BCAR3: variants seen among roughly 807,000 people sequenced by gnomAD.
The protein encoded by BCAR3 is BCAR3 adaptor protein, NSP family member.
BCAR3 carries 37 observed loss-of-function variants against 80.1 expected under a neutral mutation model. That is an observed-to-expected ratio of 0.46 (90% CI 0.36 to 0.61). BCAR3 has a LOEUF of 0.61. Among genes scored for constraint, BCAR3 ranks in the 20% least tolerant of loss-of-function variants. The probability of loss-of-function intolerance (pLI) is 0.00; values close to 1 mark genes in which losing one functional copy is unlikely to be tolerated. For missense variants in BCAR3, 978 were observed against 1,068.2 expected (o/e 0.92, Z 1.18); for synonymous variants, 389 against 418.9 (o/e 0.93, Z 0.87).
At chr1:93,680,823 CT>C (rs958224812) in intron 1 of BCAR3, among the ~76,000 whole-genome samples, 5 of 152,174 alleles carry the variant, frequency 3.3e-5, no homozygotes, top group African/African-American at 1.2e-4. Context: ...TCCGCTCAAC[CT>C]CCTCCTCGAC....
intron 2 of BCAR3, among the ~76,000 whole-genome samples, chr1:93,779,044 G>A (rs548473463): frequency 4.9e-4 from 75 of 152,244 alleles, no homozygotes; most frequent in African/African-American, 1.6e-3. Flanking sequence ...AGGAGGATGG[G>A]AGGAGGCAAG....
chr1:93,674,974 T>C, intron 1 of BCAR3, 33 bp from the exon 2 acceptor site: 3 of 1,470,392 alleles, frequency 2.0e-6, no homozygotes, highest in Non-Finnish European at 2.7e-6. Flanking sequence ...AAGGTATAAA[T>C]CTATGAGAGT....
chr1:93,833,647 CA>C (rs968167435), intron 2 of BCAR3, among the ~76,000 whole-genome samples: 5 of 152,170 alleles, frequency 3.3e-5, no homozygotes, highest in African/African-American at 1.2e-4. Context: ...TTCACTTTTG[CA>C]AGAAGAGAAA....
chr1:93,650,213 A>G (rs1478666227), intron 2 of BCAR3, among the ~76,000 whole-genome samples: 3 of 152,030 alleles, frequency 2.0e-5, no homozygotes, highest in Non-Finnish European at 4.4e-5. Flanking sequence ...GGTGAAACCT[A>G]GTCTCTACTA....
At chr1:93,750,712 C>T (rs920097451) in intron 2 of BCAR3, among the ~76,000 whole-genome samples, 13 of 152,202 alleles carry the variant, frequency 8.5e-5, no homozygotes, top group Non-Finnish European at 1.9e-4. Flanking sequence ...GGAAGCCACA[C>T]AGGGAGGCCA....
In BCAR3 at chr1:93,739,383, T is replaced by G. The variant is rs558449017; in HGVS notation, c.-62-33241A>C. 2.5e-4 allele frequency among the ~76,000 whole-genome samples: 38 copies of G among 152,296 alleles called. 1 individual carries two copies. The highest frequency in any genetic ancestry group is 1.4e-3 in the Admixed American group (21 of 15,300). ...GCCTAGATGTTCATATCTCCCAAAT[T>G]TAAGGACCTCTATATTTAAAAAAGA... On this transcript the variant is annotated intron_variant, in intron 2 of 13. Coordinates refer to the BCAR3 transcript ENST00000370244.
At chr1:93,594,464 AC>A (rs1674341379) in intron 3 of BCAR3, 1 of 152,334 alleles carries the variant, frequency 6.6e-6, no homozygotes, top group African/African-American at 2.4e-5. Flanking sequence ...GTGGGGAGCC[AC>A]ACCAAGGAAT....
At chr1:93,659,184 GT>G (rs960372047) in intron 2 of BCAR3, among the ~76,000 whole-genome samples, 1 of 152,074 alleles carries the variant, frequency 6.6e-6, no homozygotes, top group Non-Finnish European at 1.5e-5. Context: ...ATAGCAACAG[GT>G]TTTTTGTTGT....
At chr1:93,654,270 G>A (rs753639407) in intron 2 of BCAR3, among the ~76,000 whole-genome samples, 1 of 152,188 alleles carries the variant, frequency 6.6e-6, no homozygotes, top group South Asian at 2.1e-4. Context: ...GATCACCCAG[G>A]TGGGCCTGAC....
At chr1:93,688,450 A>C (rs1231676817) in intron 3 of BCAR3, among the ~76,000 whole-genome samples, 1 of 152,000 alleles carries the variant, frequency 6.6e-6, no homozygotes, top group African/African-American at 2.4e-5. Context: ...TTAATTCAAC[A>C]ATTCAAAGAA....
chr1:93,577,230 GCAA>G (rs760159047), intron 7 of BCAR3, among the ~76,000 whole-genome samples: 12 of 152,022 alleles, frequency 7.9e-5, no homozygotes, highest in Admixed American at 2.0e-4. Context: ...ACTAACAGAT[GCAA>G]CAACAAGTCT....
chr1:93,580,240 G>C (rs1374534398), intron 7 of BCAR3, among the ~76,000 whole-genome samples: 1 of 152,198 alleles, frequency 6.6e-6, no homozygotes, highest in Non-Finnish European at 1.5e-5. Context: ...CCCTGCAGGA[G>C]TGTTCTGAGA....
rs953068743 is a variant in BCAR3, at chr1:93,589,517, T to C, written c.487-98A>G. The C allele has an allele frequency of 3.3e-5, 33 of 1,005,648 alleles. 1 individual carries two copies. Among genetic ancestry groups the C allele is most frequent in the Admixed American group, 2.5e-4 (10 of 40,648 alleles). The allele number at this position is 1,005,648 out of a possible 1,614,324, so 62.3% of individuals were successfully genotyped here. ...ACTTCTCTGGGCCAACAGAAGACAATGCTACTATGTCTCTTCTTGGGTCAG... is the reference window on the plus strand; with the variant it reads ...ACTTCTCTGGGCCAACAGAAGACAACGCTACTATGTCTCTTCTTGGGTCAG... On this transcript the variant is annotated intron_variant, in intron 4 of 11. Coordinates refer to ENST00000260502, the MANE Select transcript of BCAR3 (RefSeq NM_003567.4).
intron 3 of BCAR3, chr1:93,602,397 G>C (rs1213711350): frequency 6.6e-6 from 1 of 152,244 alleles, no homozygotes; most frequent in Non-Finnish European, 1.5e-5. Context: ...ACTGAACTCT[G>C]GGAATCCCTG....
chr1:93,709,477 A>G (rs1331027204), intron 2 of BCAR3, among the ~76,000 whole-genome samples: 1 of 152,228 alleles, frequency 6.6e-6, no homozygotes, highest in Non-Finnish European at 1.5e-5. Flanking sequence ...CTTGCCCTTC[A>G]GTGAAGTGGG....
At chr1:93,826,252 C>T (rs1330255415) in intron 2 of BCAR3, among the ~76,000 whole-genome samples, 1 of 152,084 alleles carries the variant, frequency 6.6e-6, no homozygotes, top group African/African-American at 2.4e-5. Context: ...CTCTCCAGAC[C>T]CTGAAAACAC....
At chr1:93,752,164 A>G in intron 2 of BCAR3, among the ~76,000 whole-genome samples, 1 of 152,178 alleles carries the variant, frequency 6.6e-6, no homozygotes, top group South Asian at 2.1e-4. Context: ...TTACTCCTCC[A>G]CTTAAAACTG....
At chr1:93,786,904 C>A (rs936151974) in intron 2 of BCAR3, among the ~76,000 whole-genome samples, 16 of 152,178 alleles carry the variant, frequency 1.1e-4, no homozygotes, top group African/African-American at 3.1e-4. Context: ...AGTGGATCAT[C>A]TGGGCCAATG....
chr1:93,641,841 C>T (rs566778384), intron 3 of BCAR3, among the ~76,000 whole-genome samples: 1 of 152,264 alleles, frequency 6.6e-6, no homozygotes, highest in Non-Finnish European at 1.5e-5. Context: ...AAACTCTGAA[C>T]ACTAACATTA....
Sources: allele counts gnomAD v4.1 joint callset (sites outside exome capture counted in the v4.1 genomes callset), GRCh38; gene constraint gnomAD v4.1.1; transcripts MANE v1.5; gene names NCBI Gene and HGNC (gene_info 2026-07-23, HGNC 2026-07-21).